RHOT1: variants seen among roughly 807,000 people sequenced by gnomAD.
RHOT1 encodes ras homolog family member T1.
A neutral mutation model predicts 95.3 loss-of-function variants in RHOT1; 27 were observed. The observed-to-expected ratio is 0.28, with a 90% CI of 0.21 to 0.39. RHOT1 has a LOEUF of 0.39. RHOT1 is among the 10% of genes least tolerant of loss of function. The pLI, the probability that RHOT1 is intolerant of heterozygous loss-of-function variation, is 1.00. For missense variants in RHOT1, 578 were observed against 786.7 expected (o/e 0.73, Z 3.17); for synonymous variants, 227 against 263.5 (o/e 0.86, Z 1.34).
chr17:32,202,875 A>G lies in RHOT1; in HGVS notation c.1307A>G (p.Gln436Arg). 1 of 1,613,128 alleles carries G rather than the reference A, an allele frequency of 6.2e-7. No homozygotes were observed. The highest frequency in any genetic ancestry group is 8.5e-7 in the Non-Finnish European group (1 of 1,179,700). The change falls in exon 15 of 20, where the codon CAG (glutamine) becomes CGG (arginine). Residue 436 changes from glutamine to arginine, a missense_variant. By Grantham distance (43) the Gln-to-Arg change is conservative (BLOSUM62 1). Coordinates refer to ENST00000545287, the MANE Select transcript of RHOT1 (RefSeq NM_001033566.3). ...VKNCGKSGVL[Q>R]ALLGRNLMRQ... ...AACTGTGGGAAAAGTGGAGTTCTTC[A>G]GGCTCTTCTTGGAAGAAACTTAATG...
At chr17:32,148,766 G>T (rs555391415) in intron 1 of RHOT1, among the ~76,000 whole-genome samples, 84 of 152,304 alleles carry the variant, frequency 5.5e-4, no homozygotes, top group African/African-American at 1.6e-3. Context: ...CTTGAAGCAG[G>T]GGGTGTTTGT....
At chr17:32,203,730 G>A in intron 15 of RHOT1, 160 bp from the exon 16 acceptor site, 1 of 570,660 alleles carries the variant, frequency 1.8e-6, no homozygotes, top group Non-Finnish European at 3.1e-6. Context: ...TAAGAACTAA[G>A]AAACATAAAA....
intron 19 of RHOT1, among the ~76,000 whole-genome samples, chr17:32,220,805 CAA>C (rs35901144): frequency 1.3e-4 from 13 of 98,980 alleles, no homozygotes; most frequent in Non-Finnish European, 1.8e-4. Context: ...GACTCTGTCT[CAA>C]AAAAAAAAAA....
intron 19 of RHOT1, 101 bp downstream of exon 19, chr17:32,211,339 T>C: frequency 9.2e-7 from 1 of 1,089,264 alleles, no homozygotes; most frequent in Non-Finnish European, 1.2e-6. Context: ...AAAGACAAGC[T>C]GACTGATGCC....
chr17:32,176,142 T>G lies in RHOT1; in HGVS notation c.277-19T>G. On this transcript the variant is annotated intron_variant, in intron 5 of 19. Transcript: ENST00000545287. ...AAAGATCCTTATCATGGCTAAGCGCTTGTTAATTTTCATTTTAGGTAACAA... is the reference window on the plus strand; with the variant it reads ...AAAGATCCTTATCATGGCTAAGCGCGTGTTAATTTTCATTTTAGGTAACAA... 3.1e-6 allele frequency: 5 copies of G among 1,609,536 alleles called. No individual in the cohort carries two copies. The highest frequency in any genetic ancestry group is 4.2e-6 in the Non-Finnish European group (5 of 1,177,798).
chr17:32,185,963 C>G (rs2036016168), intron 8 of RHOT1, among the ~76,000 whole-genome samples: 1 of 152,138 alleles, frequency 6.6e-6, no homozygotes, highest in Non-Finnish European at 1.5e-5. Context: ...TCAAGCAATT[C>G]TCCCATCTCA....
chr17:32,209,376 C>G, intron 18 of RHOT1: 1 of 1,610,994 alleles, frequency 6.2e-7, no homozygotes, highest in South Asian at 1.1e-5. Flanking sequence ...GACAGACTCT[C>G]CCGAGACATG....
At chr17:32,173,810 T>C in intron 2 of RHOT1, 21 bp from the exon 3 acceptor site, 1 of 1,523,372 alleles carries the variant, frequency 6.6e-7, no homozygotes, top group Non-Finnish European at 9.0e-7. Flanking sequence ...TTTTTTTTTC[T>C]ATATTTGTTT....
At chr17:32,151,370 C>A (rs1209573790) in intron 1 of RHOT1, 1 of 609,150 alleles carries the variant, frequency 1.6e-6, no homozygotes, top group Non-Finnish European at 3.1e-6. Context: ...CAAGACTGCA[C>A]CACTGCACTC....
intron 1 of RHOT1, among the ~76,000 whole-genome samples, chr17:32,168,654 A>G (rs941494915): frequency 6.7e-6 from 1 of 149,674 alleles, no homozygotes; most frequent in Non-Finnish European, 1.5e-5. Flanking sequence ...TATTTTATAT[A>G]TACGCCTCAT....
chr17:32,175,704 G>A (rs574157161), intron 4 of RHOT1, among the ~76,000 whole-genome samples: 3 of 152,140 alleles, frequency 2.0e-5, no homozygotes, highest in South Asian at 2.1e-4. Context: ...GATACACCCC[G>A]TCCCTTTTTC....
chr17:32,152,477 A>C (rs1345914424), intron 1 of RHOT1, among the ~76,000 whole-genome samples: 1 of 152,210 alleles, frequency 6.6e-6, no homozygotes, highest in East Asian at 1.9e-4. Context: ...AAGAAGAGAG[A>C]TGAAGGTCTT....
chr17:32,152,202 C>T (rs1465846249), intron 1 of RHOT1, among the ~76,000 whole-genome samples: 2 of 152,192 alleles, frequency 1.3e-5, no homozygotes, highest in African/African-American at 2.4e-5. Flanking sequence ...GTTGTCTTTA[C>T]GACACCTTCT....
chr17:32,168,108 C>G (rs2034250863), intron 1 of RHOT1, among the ~76,000 whole-genome samples: 1 of 151,606 alleles, frequency 6.6e-6, no homozygotes. Flanking sequence ...GAGACCTACT[C>G]CTCAAAAAAA....
chr17:32,149,629 A>ATGTGTGTGTGTGTGTGTGTG (rs1204046813), intron 1 of RHOT1, among the ~76,000 whole-genome samples: 60 of 87,370 alleles, frequency 6.9e-4, no homozygotes, highest in Admixed American at 1.1e-3. Context: ...ATATATATAT[A>ATGTGTGTGTGTGTGTGTGTG]TATATATGTG....
At chr17:32,158,680 G>T (rs956431145) in intron 1 of RHOT1, among the ~76,000 whole-genome samples, 1 of 151,770 alleles carries the variant, frequency 6.6e-6, no homozygotes, top group Non-Finnish European at 1.5e-5. Flanking sequence ...GGCTGGTCTT[G>T]ATCTCTTGAC....
chr17:32,209,534 A>G (rs555547092), intron 18 of RHOT1: 3 of 778,596 alleles, frequency 3.9e-6, no homozygotes, highest in East Asian at 2.7e-5. Flanking sequence ...CATAATTAAC[A>G]TTTAGTAATT....
In RHOT1 at chr17:32,208,574, C is replaced by A. The variant is rs563505002; in HGVS notation, c.1739+265C>A. 99 of 331,460 alleles carry A rather than the reference C, an allele frequency of 3.0e-4. 1 individual carries two copies. In the East Asian group the frequency reaches 4.9e-3, roughly 16 times the overall value. 20.5% of individuals were successfully genotyped at this position (331,460 alleles called of 1,614,324 possible). A position where few individuals can be genotyped will look rare whatever the true frequency, so the allele number is the denominator to read the frequency against. The stretch of plus-strand genomic sequence containing the variant: ...GAATAGTACAATAAAACACAACCCC[C>A]CACCCAGCATTAAAAAATAGTTTTA... On this transcript the variant is annotated intron_variant, in intron 18 of 19. Coordinates refer to ENST00000545287, the MANE Select transcript of RHOT1 (RefSeq NM_001033566.3).
At chr17:32,203,269 C>CTTTTTTTTTTTTTTTTTTT (rs940216011) in intron 15 of RHOT1, among the ~76,000 whole-genome samples, 2 of 72,328 alleles carry the variant, frequency 2.8e-5, no homozygotes, top group Non-Finnish European at 5.0e-5. Flanking sequence ...TCTTCTTCTT[C>CTTTTTTTTTTTTTTTTTTT]TTTTTTTTTT....
Sources: gnomAD v4.1 joint callset for allele counts (sites outside exome capture counted in the v4.1 genomes callset) on GRCh38, gnomAD v4.1.1 for gene constraint, MANE v1.5 for transcripts, NCBI Gene and HGNC (gene_info 2026-07-23, HGNC 2026-07-21) for gene names.